Variants in ABLIM2 observed in about 807,000 individuals in gnomAD.
ABLIM2 encodes the protein actin-binding LIM protein 2.
In ABLIM2, 53 loss-of-function variants were observed where a neutral mutation model predicts 97.7. That is an observed-to-expected ratio of 0.54 (90% CI 0.44 to 0.68). The LOEUF is 0.68. Among genes scored for constraint, ABLIM2 ranks in the 30% least tolerant of loss-of-function variants. ABLIM2 has a pLI of 0.00. For synonymous variants in ABLIM2, 361 were observed against 345.8 expected, an observed-to-expected ratio of 1.04 and a Z score of -0.49; for missense variants, 835 against 867.2, an observed-to-expected ratio of 0.96 and a Z score of 0.47.
Position 8,125,621 on chromosome 4 carries a change from G to A in ABLIM2, c.11-18984C>T, listed in dbSNP as rs1282671570. ...TGCCGGGGCTGCTTCTGGGATGGTC[G>A]TGGTTGGCTCTGCCATCAGTGTGAC... On this transcript the variant is annotated intron_variant, in intron 1 of 20. Coordinates refer to ENST00000447017, the MANE Select transcript of ABLIM2 (RefSeq NM_001130083.2). This position sits in a 1 kb window ranked among gnomAD's most constrained non-coding sequence, Gnocchi z 6.2. Among the ~76,000 whole-genome samples, 5 of 152,154 alleles carry A rather than the reference G, an allele frequency of 3.3e-5. No homozygotes were observed. The highest frequency in any genetic ancestry group is 4.1e-4 in the South Asian group (2 of 4,828).
rs1231258990 is a variant in ABLIM2 at position 8,147,391 on chromosome 4, A to G, written c.10+11289T>C. Among the ~76,000 whole-genome samples, 1 of 152,196 alleles carries G rather than the reference A, an allele frequency of 6.6e-6. No homozygotes were observed. Among genetic ancestry groups the G allele is most frequent in the African/African-American group, 2.4e-5 (1 of 41,448 alleles). The stretch of plus-strand genomic sequence containing the variant: ...TGCCCGGCTGAGTAATGCCTCCCCC[A>G]GAAGATATCCCCATCTAATCGCTAA... On this transcript the variant is annotated intron_variant, in intron 1 of 20. Coordinates refer to ENST00000447017, the MANE Select transcript of ABLIM2 (RefSeq NM_001130083.2). This position sits in a 1 kb window ranked among gnomAD's most constrained non-coding sequence, Gnocchi z 5.3.
In ABLIM2 at chr4:8,061,050, C is replaced by G; in HGVS notation, c.680G>C (p.Gly227Ala). 1.3e-6 allele frequency: 2 copies of G among 1,587,344 alleles called. No homozygotes were observed. Among genetic ancestry groups the G allele is most frequent in the Non-Finnish European group, 1.7e-6 (2 of 1,166,496 alleles). Residue 227 changes from glycine to alanine, a missense_variant, in exon 7 of 21, where the codon GGA becomes GCA. Transcript: ENST00000447017. The surrounding 1 kb of genome is among the most constrained non-coding windows in gnomAD (Gnocchi z 4.5). ...KYITGRVLEA[G>A]EKHYHPSCAL... ...GCAGGAAGGGTGGTAGTGCTTCTCT[C>G]CGGCCTGTAAGAAAAGCACAAAGCA...
At chr4:8,152,333 G>A (rs1445198087) in intron 1 of ABLIM2, among the ~76,000 whole-genome samples, 4 of 152,204 alleles carry the variant, frequency 2.6e-5, no homozygotes, top group African/African-American at 7.2e-5. Flanking sequence ...TACAAATCAC[G>A]TGACACCAGG....
chr4:8,077,734 A>G lies in ABLIM2; in HGVS notation c.582-13T>C. ...GGGCAGCCCATCCCTGCAATGAGACAGGCAGTCAACACAGGGCGGGTGTCG... is the reference window on the plus strand; with the variant it reads ...GGGCAGCCCATCCCTGCAATGAGACGGGCAGTCAACACAGGGCGGGTGTCG... On this transcript the variant is annotated splice_polypyrimidine_tract_variant and intron_variant, in intron 5 of 20. Coordinates refer to ENST00000447017, the MANE Select transcript of ABLIM2 (RefSeq NM_001130083.2). 3 of 1,607,176 alleles carry G rather than the reference A, an allele frequency of 1.9e-6. No homozygotes were observed. Among genetic ancestry groups the G allele is most frequent in the Non-Finnish European group, 2.6e-6 (3 of 1,176,032 alleles).
At chr4:8,028,419 T>C (rs1471922114) in intron 11 of ABLIM2, among the ~76,000 whole-genome samples, 2 of 152,234 alleles carry the variant, frequency 1.3e-5, no homozygotes, top group African/African-American at 4.8e-5. Context: ...ATTCACTCAC[T>C]CACTCACTCA....
chr4:8,090,393 T>C (rs1472680049), intron 3 of ABLIM2, among the ~76,000 whole-genome samples: 2 of 152,226 alleles, frequency 1.3e-5, no homozygotes, highest in Admixed American at 6.5e-5. Context: ...TTTGTATTCA[T>C]ACATTCATTC....
At position 8,128,085 on chromosome 4, in the gene ABLIM2, G is replaced by C. The variant is rs1454211970; in HGVS notation, c.11-21448C>G. On this transcript the variant is annotated intron_variant, in intron 1 of 20. Transcript: ENST00000447017. This position sits in a 1 kb window ranked among gnomAD's most constrained non-coding sequence, Gnocchi z 4.9. ...CCTGCTCTTCACAGGGGTATAGGGA[G>C]CTCAGGCTGCCTCTTCCCGCTGCTG... is the stretch of plus-strand genomic sequence containing the variant. Among the ~76,000 whole-genome samples, 2 of 152,216 alleles carry C rather than the reference G, an allele frequency of 1.3e-5. No homozygotes were observed. The highest frequency in any genetic ancestry group is 1.9e-4 in the East Asian group (1 of 5,200).
In ABLIM2 at chr4:8,019,467, G is replaced by A. The variant is rs1411812465; in HGVS notation, c.1423+151C>T. On this transcript the variant is annotated intron_variant, in intron 14 of 20. Coordinates refer to ENST00000447017, the MANE Select transcript of ABLIM2 (RefSeq NM_001130083.2). The surrounding 1 kb of genome is among the most constrained non-coding windows in gnomAD (Gnocchi z 4.3). ...GAACAGGACTCTCGGGAGGCTGCTA[G>A]TGAATTTGCATTTAATAGTCAGACT... The A allele has an allele frequency of 2.5e-5, 16 of 652,228 alleles. No individual in the cohort carries two copies. In the East Asian group the frequency reaches 5.0e-4, roughly 20 times the overall value. The allele number at this position is 652,228 out of a possible 1,614,324, so 40.4% of individuals were successfully genotyped here. A position where few individuals can be genotyped will look rare whatever the true frequency, so the allele number is the denominator to read the frequency against.
In ABLIM2 at chr4:8,033,857, C is replaced by A. The variant is rs897820124; in HGVS notation, c.1047+2292G>T. On this transcript the variant is annotated intron_variant, in intron 10 of 20. Transcript: ENST00000447017. This position sits in a 1 kb window ranked among gnomAD's most constrained non-coding sequence, Gnocchi z 4.5. The stretch of plus-strand genomic sequence containing the variant: ...CTGTGTCCTGGTCATACCATGAGAC[C>A]CTGGAGCAGGACAGGGAGAGATACC... Among the ~76,000 whole-genome samples the A allele has an allele frequency of 6.6e-6, 1 of 152,214 alleles. No homozygotes were observed. The highest frequency in any genetic ancestry group is 1.5e-5 in the Non-Finnish European group (1 of 68,032).
intron 20 of ABLIM2, among the ~76,000 whole-genome samples, chr4:7,967,508 C>T (rs1263043334): frequency 1.3e-5 from 2 of 152,204 alleles, no homozygotes; most frequent in African/African-American, 4.8e-5. Context: ...CATCCGAGAG[C>T]AGGAGGTGGA....
chr4:7,968,197 C>A (rs571203819), intron 20 of ABLIM2, among the ~76,000 whole-genome samples: 32 of 152,382 alleles, frequency 2.1e-4, no homozygotes, highest in Admixed American at 1.4e-3. Context: ...CAGGAAGAGG[C>A]CAGGCTCTGC....
At chr4:8,013,429 G>A (rs998435899) in intron 14 of ABLIM2, among the ~76,000 whole-genome samples, 19 of 152,010 alleles carry the variant, frequency 1.2e-4, no homozygotes, top group South Asian at 2.1e-4. Flanking sequence ...TCACCATGTT[G>A]GTCAGGCTGG....
intron 16 of ABLIM2, 119 bp from the exon 17 acceptor site, chr4:7,993,046 C>A (rs530187100): frequency 9.9e-7 from 1 of 1,010,200 alleles, no homozygotes; most frequent in Admixed American, 2.0e-5. Context: ...ACAGGGGAGG[C>A]CCCCTGAGGA....
At chr4:8,088,682 C>T (rs1277486915) in intron 3 of ABLIM2, among the ~76,000 whole-genome samples, 3 of 152,242 alleles carry the variant, frequency 2.0e-5, no homozygotes, top group African/African-American at 7.2e-5. Context: ...GCAAGGACAG[C>T]AGCTATGTAC....
chr4:8,089,961 C>T (rs1826249004), intron 3 of ABLIM2, among the ~76,000 whole-genome samples: 1 of 152,210 alleles, frequency 6.6e-6, no homozygotes, highest in Non-Finnish European at 1.5e-5. Context: ...CTGGAGACCA[C>T]CGTGCCTTCC....
intron 1 of ABLIM2, among the ~76,000 whole-genome samples, chr4:8,119,475 G>T (rs985568344): frequency 2.6e-5 from 4 of 151,846 alleles, no homozygotes; most frequent in African/African-American, 9.7e-5. Flanking sequence ...TTATAGGTGC[G>T]TGCCACCACA....
In ABLIM2 at chr4:8,069,778, G is replaced by C. The variant is rs888105070; in HGVS notation, c.675+7850C>G. On this transcript the variant is annotated intron_variant, in intron 6 of 20. Transcript: ENST00000447017. This position sits in a 1 kb window ranked among gnomAD's most constrained non-coding sequence, Gnocchi z 4.2. ...ACGTTTCGGTGTGTCCATGCATGTT[G>C]TCTGTGTCTCTCCGTGTGCTTGTGT... Among the ~76,000 whole-genome samples, 2 of 151,816 alleles carry C rather than the reference G, an allele frequency of 1.3e-5. No individual in the cohort carries two copies. Among genetic ancestry groups the C allele is most frequent in the African/African-American group, 4.8e-5 (2 of 41,326 alleles).
intron 1 of ABLIM2, among the ~76,000 whole-genome samples, chr4:8,109,530 G>A (rs563896979): frequency 1.3e-5 from 2 of 152,266 alleles, no homozygotes; most frequent in East Asian, 1.9e-4. Flanking sequence ...GCCCCTAAGC[G>A]TTCCCAGAAC....
rs145996437 is a variant in ABLIM2, at chr4:8,129,100, C to T, written c.11-22463G>A. Among the ~76,000 whole-genome samples the T allele has an allele frequency of 4.2e-4, 64 of 152,130 alleles. 2 individuals carry two copies. The East Asian group carries it at 0.012, about 29-fold the overall frequency. ...CCATCCAGGAACCTGAGGCTGGGGGCAGAGGCCCTGGAAGACCACACATGG... is the reference window on the plus strand; with the variant it reads ...CCATCCAGGAACCTGAGGCTGGGGGTAGAGGCCCTGGAAGACCACACATGG... On this transcript the variant is annotated intron_variant, in intron 1 of 20. Coordinates refer to ENST00000447017, the MANE Select transcript of ABLIM2 (RefSeq NM_001130083.2).
Sources: allele counts gnomAD v4.1 joint callset (sites outside exome capture counted in the v4.1 genomes callset), GRCh38; gene constraint gnomAD v4.1.1; non-coding constraint Gnocchi (gnomAD v3.1); transcripts MANE v1.5; gene names NCBI Gene and HGNC (gene_info 2026-07-23, HGNC 2026-07-21).